TDRD3: variants seen among roughly 807,000 people sequenced by gnomAD.
TDRD3 encodes the protein tudor domain-containing protein 3.
In TDRD3, 45 loss-of-function variants were observed where a neutral mutation model predicts 86.7. The ratio of observed to expected loss-of-function variants is 0.52; its 90% CI spans 0.41 to 0.67. The LOEUF is 0.67. Ranked by LOEUF, TDRD3 falls within the 30% of genes least tolerant of loss-of-function variation. TDRD3 has a pLI of 0.00. For synonymous variants in TDRD3, 298 were observed against 301.7 expected (o/e 0.99, Z 0.13); for missense variants, 814 against 889.0 (o/e 0.92, Z 1.07).
At chr13:60,434,540 A>G (rs796603744) in intron 1 of TDRD3, among the ~76,000 whole-genome samples, 27 of 152,038 alleles carry the variant, frequency 1.8e-4, no homozygotes, top group African/African-American at 6.0e-4. Context: ...AGGTAAAATT[A>G]GTGAGAAATA....
At chr13:60,420,944 A>G (rs1954638948) in intron 1 of TDRD3, among the ~76,000 whole-genome samples, 1 of 151,534 alleles carries the variant, frequency 6.6e-6, no homozygotes, top group Non-Finnish European at 1.5e-5. Flanking sequence ...ACTCCGTCTC[A>G]AAAAAAAAGA....
Position 60,569,469 on chromosome 13 carries a change from G to A in TDRD3, c.*9+1819G>A, listed in dbSNP as rs193176984. 2.9e-4 allele frequency among the ~76,000 whole-genome samples: 44 copies of A among 152,248 alleles called. 1 individual carries two copies. Among genetic ancestry groups the A allele is most frequent in the African/African-American group, 1.1e-3 (44 of 41,534 alleles). Reference sequence around the variant, plus strand: ...GATACTCCATGTTCATGGATTAGAAGAATCGATAGTGTTAAAATGACAGTA... The same window carrying A: ...GATACTCCATGTTCATGGATTAGAAAAATCGATAGTGTTAAAATGACAGTA... On this transcript the variant is annotated intron_variant, in intron 13 of 13. Transcript: ENST00000377881.
chr13:60,528,251 G>T (rs896189305), intron 10 of TDRD3, 116 bp from the exon 11 acceptor site: 8 of 1,179,450 alleles, frequency 6.8e-6, no homozygotes, highest in Non-Finnish European at 7.9e-6. Flanking sequence ...GAAGATGGAA[G>T]AAGATTTTAG....
At chr13:60,496,187 C>T (rs2137570885) in intron 8 of TDRD3, among the ~76,000 whole-genome samples, 1 of 150,800 alleles carries the variant, frequency 6.6e-6, no homozygotes, top group South Asian at 2.1e-4. Context: ...AAACATCAGA[C>T]TCCAAGTTCT....
intron 10 of TDRD3, among the ~76,000 whole-genome samples, chr13:60,519,430 G>A (rs896975812): frequency 4.6e-5 from 7 of 152,028 alleles, no homozygotes; most frequent in South Asian, 2.1e-4. Flanking sequence ...CTAGTGCCTC[G>A]TATATAAATA....
chr13:60,536,744 C>T (rs1179959849), intron 12 of TDRD3: 5 of 152,156 alleles, frequency 3.3e-5, no homozygotes, highest in Non-Finnish European at 5.9e-5. Context: ...ATTTACTTTT[C>T]TTACGTGGCT....
At position 60,484,566 on chromosome 13, in the gene TDRD3, A is replaced by G. The variant is rs112013451; in HGVS notation, c.567+720A>G. The G allele has an allele frequency of 7.0e-3, 2,566 of 365,318 alleles. 16 individuals are homozygous for G. Among genetic ancestry groups the G allele is most frequent in the Middle Eastern group, 0.014 (22 of 1,620 alleles). 22.6% of individuals were successfully genotyped at this position (365,318 alleles called of 1,614,324 possible). On this transcript the variant is annotated intron_variant, in intron 6 of 13. Coordinates refer to ENST00000377881, the MANE Select transcript of TDRD3 (RefSeq NM_001146070.2). ...GTGTCCAAATTTTGGTATTTAGTAA[A>G]ATCATTTGACTGTCACCCTCTCTGA...
chr13:60,539,242 A>G (rs1957761906), intron 12 of TDRD3, among the ~76,000 whole-genome samples: 1 of 152,078 alleles, frequency 6.6e-6, no homozygotes, highest in African/African-American at 2.4e-5. Flanking sequence ...GCACTGTTCT[A>G]GGTGAGGGTA....
chr13:60,559,786 C>G (rs571860542), intron 12 of TDRD3, among the ~76,000 whole-genome samples: 1 of 152,174 alleles, frequency 6.6e-6, no homozygotes, highest in African/African-American at 2.4e-5. Context: ...TTCAGTTATG[C>G]CAGATGAATG....
At chr13:60,442,719 T>G (rs542520256) in intron 2 of TDRD3, among the ~76,000 whole-genome samples, 1 of 152,248 alleles carries the variant, frequency 6.6e-6, no homozygotes, top group South Asian at 2.1e-4. Context: ...TTTGAGCGTG[T>G]AGTCTTTTTT....
chr13:60,483,674 A>G, intron 5 of TDRD3, 101 bp from the exon 6 acceptor site: 2 of 1,028,936 alleles, frequency 1.9e-6, no homozygotes, highest in Non-Finnish European at 2.7e-6. Flanking sequence ...CCTATTTCTT[A>G]TAAGAATCTA....
chr13:60,457,359 C>T (rs936678755), intron 3 of TDRD3, among the ~76,000 whole-genome samples: 2 of 152,156 alleles, frequency 1.3e-5, no homozygotes, highest in African/African-American at 4.8e-5. Context: ...AACTTTATTA[C>T]TGATTAAAAT....
At chr13:60,437,857 T>C (rs942392144) in intron 1 of TDRD3, among the ~76,000 whole-genome samples, 20 of 152,222 alleles carry the variant, frequency 1.3e-4, no homozygotes, top group South Asian at 2.1e-4. Context: ...CCTATACTTA[T>C]CTCTTTTTTC....
At chr13:60,514,204 G>C (rs1957120849) in intron 10 of TDRD3, among the ~76,000 whole-genome samples, 1 of 152,282 alleles carries the variant, frequency 6.6e-6, no homozygotes, top group Admixed American at 6.5e-5. Flanking sequence ...TTTTGCCTCT[G>C]CCCTAGTGAT....
At chr13:60,522,606 A>G (rs1957313201) in intron 10 of TDRD3, among the ~76,000 whole-genome samples, 1 of 152,222 alleles carries the variant, frequency 6.6e-6, no homozygotes, top group Non-Finnish European at 1.5e-5. Flanking sequence ...GTGGTACCCC[A>G]TGATAAAAAG....
At chr13:60,406,479 G>A (rs1411309932) in intron 1 of TDRD3, among the ~76,000 whole-genome samples, 1 of 151,934 alleles carries the variant, frequency 6.6e-6, no homozygotes, top group Non-Finnish European at 1.5e-5. Flanking sequence ...TTAAAATATG[G>A]CTACAAGACA....
At position 60,485,862 on chromosome 13, in the gene TDRD3, A is replaced by G. The variant is rs1956422938; in HGVS notation, c.631A>G (p.Thr211Ala). The change falls in exon 7 of 14, where the codon ACA (threonine) becomes GCA (alanine). Residue 211 changes from threonine to alanine, a missense_variant. Coordinates refer to ENST00000377881, the MANE Select transcript of TDRD3 (RefSeq NM_001146070.2). Reference protein sequence around the residue: ...ELDRRKTLQVTMPVKPTNDND... With the variant: ...ELDRRKTLQVAMPVKPTNDND... ...TGATCGAAGAAAAACATTGCAAGTT[A>G]CAATGCCTGTCAAACCTACAAATGA... The G allele has an allele frequency of 6.2e-7, 1 of 1,611,376 alleles. No individual in the cohort carries two copies. Among genetic ancestry groups the G allele is most frequent in the Non-Finnish European group, 8.5e-7 (1 of 1,178,836 alleles).
rs1957961961 is a variant in TDRD3 at position 60,547,444 on chromosome 13, C to A, written c.2118+12211C>A. On this transcript the variant is annotated intron_variant, in intron 12 of 13. Transcript: ENST00000377881. ...GAAATGCACAGGAGGAGTCAGAAGA[C>A]CTGGGTTCGAGTCCTGGCTCTGCCA... 4 of 983,580 alleles carry A rather than the reference C, an allele frequency of 4.1e-6. No homozygotes were observed. The South Asian group carries it at 1.9e-4, about 46-fold the overall frequency. The allele number at this position is 983,580 out of a possible 1,614,324, so 60.9% of individuals were successfully genotyped here. A position where few individuals can be genotyped will look rare whatever the true frequency, so the allele number is the denominator to read the frequency against.
At chr13:60,464,303 C>G (rs543828527) in intron 4 of TDRD3, among the ~76,000 whole-genome samples, 1 of 152,094 alleles carries the variant, frequency 6.6e-6, no homozygotes, top group Non-Finnish European at 1.5e-5. Flanking sequence ...CACCACTGAT[C>G]GGAATGTAAA....
Sources: gnomAD v4.1 joint callset for allele counts (sites outside exome capture counted in the v4.1 genomes callset) on GRCh38, gnomAD v4.1.1 for gene constraint, MANE v1.5 for transcripts, NCBI Gene and HGNC (gene_info 2026-07-23, HGNC 2026-07-21) for gene names.